The following HHAT variants were observed in gnomAD, a reference collection of about 807,000 sequenced individuals.
The protein encoded by HHAT is hedgehog acyltransferase, also known as protein-cysteine N-palmitoyltransferase HHAT.
A neutral mutation model predicts 70.8 loss-of-function variants in HHAT; 47 were observed. The observed-to-expected ratio is 0.66, with a 90% CI of 0.53 to 0.85. HHAT has a LOEUF of 0.85. Among genes scored for constraint, HHAT ranks in the 40% least tolerant of loss-of-function variants. The pLI, the probability that HHAT is intolerant of heterozygous loss-of-function variation, is 0.00. For synonymous variants in HHAT, 228 were observed against 247.6 expected, an observed-to-expected ratio of 0.92 and a Z score of 0.74; for missense variants, 609 against 604.8, an observed-to-expected ratio of 1.01 and a Z score of -0.07.
intron 9 of HHAT, among the ~76,000 whole-genome samples, chr1:210,563,468 C>T (rs1349439175): frequency 6.6e-6 from 1 of 151,964 alleles, no homozygotes; most frequent in Non-Finnish European, 1.5e-5. Flanking sequence ...GTGGAAAGCA[C>T]GATGGGGAGG....
chr1:210,489,741 G>T (rs73077512), intron 8 of HHAT, among the ~76,000 whole-genome samples: 2,073 of 152,286 alleles, frequency 0.014, 52 homozygotes, highest in African/African-American at 0.048. Context: ...CTGTGAATCT[G>T]GGAAAACTGC....
chr1:210,342,210 C>CAA (rs2086101278), intron 1 of HHAT, among the ~76,000 whole-genome samples: 1 of 152,298 alleles, frequency 6.6e-6, no homozygotes, highest in Admixed American at 6.5e-5. Context: ...GGGTCTACCA[C>CAA]AGCATCAAGG....
chr1:210,383,489 AG>A, intron 3 of HHAT, among the ~76,000 whole-genome samples: 1 of 146,638 alleles, frequency 6.8e-6, no homozygotes, highest in African/African-American at 2.5e-5. Context: ...CCAGGGTGGG[AG>A]GGATGAAGAG....
chr1:210,400,330 G>C, intron 4 of HHAT, 138 bp from the exon 5 acceptor site: 1 of 775,100 alleles, frequency 1.3e-6, no homozygotes, highest in Non-Finnish European at 2.0e-6. Flanking sequence ...AGTGATAAGA[G>C]TTTCTTTATT....
intron 11 of HHAT, among the ~76,000 whole-genome samples, chr1:210,649,186 C>T (rs1484468918): frequency 6.6e-6 from 1 of 152,224 alleles, no homozygotes; most frequent in Non-Finnish European, 1.5e-5. Context: ...TTCTCAGATA[C>T]ATGGCTGTCT....
rs541991942 is a variant in HHAT, at chr1:210,551,200, C to T, written c.1044-36698C>T. Among the ~76,000 whole-genome samples, 7 of 148,778 alleles carry T rather than the reference C, an allele frequency of 4.7e-5. No homozygotes were observed. The South Asian group carries it at 1.5e-3, about 32-fold the overall frequency. On this transcript the variant is annotated intron_variant, in intron 9 of 11. Coordinates refer to ENST00000261458, the MANE Select transcript of HHAT (RefSeq NM_018194.6). ...TTGTAGGATGTGATATGTACTCCAT[C>T]GACCGAATTAAAGTGCCTTCAGAGG...
chr1:210,547,887 T>G (rs992566140), intron 9 of HHAT, among the ~76,000 whole-genome samples: 4 of 152,198 alleles, frequency 2.6e-5, no homozygotes, highest in African/African-American at 9.6e-5. Context: ...CTTAAGTGTG[T>G]GTGTACACAG....
intron 3 of HHAT, among the ~76,000 whole-genome samples, chr1:210,366,860 C>T (rs542706842): frequency 4.6e-5 from 7 of 152,290 alleles, no homozygotes; most frequent in African/African-American, 1.4e-4. Context: ...GACTTCAGAT[C>T]ATAGCTGGCT....
intron 11 of HHAT, among the ~76,000 whole-genome samples, chr1:210,642,319 A>G (rs148858683): frequency 6.6e-6 from 1 of 152,328 alleles, no homozygotes; most frequent in East Asian, 1.9e-4. Flanking sequence ...ATGGACTTGT[A>G]GATTGTTTTT....
At chr1:210,332,303 G>A (rs2085062673) in intron 1 of HHAT, among the ~76,000 whole-genome samples, 1 of 152,180 alleles carries the variant, frequency 6.6e-6, no homozygotes, top group Non-Finnish European at 1.5e-5. Context: ...CTGTGGTGTT[G>A]GTTAGCAACA....
At chr1:210,616,786 C>T (rs1049114223) in intron 10 of HHAT, among the ~76,000 whole-genome samples, 2 of 152,202 alleles carry the variant, frequency 1.3e-5, no homozygotes, top group Non-Finnish European at 2.9e-5. Context: ...AGGTAAGTTA[C>T]TTAATCTCTC....
chr1:210,381,980 A>G (rs2090674290), intron 3 of HHAT, among the ~76,000 whole-genome samples: 1 of 152,236 alleles, frequency 6.6e-6, no homozygotes, highest in Admixed American at 6.5e-5. Context: ...GCTGGAGAAT[A>G]GTCCTCAGTT....
At chr1:210,416,341 G>A (rs1290248227) in intron 6 of HHAT, among the ~76,000 whole-genome samples, 1 of 152,162 alleles carries the variant, frequency 6.6e-6, no homozygotes, top group Admixed American at 6.5e-5. Flanking sequence ...TCCTCTACCG[G>A]CTAATGTGTG....
Position 210,400,580 on chromosome 1 carries a change from A to T in HHAT, c.386A>T (p.Gln129Leu), listed in dbSNP as rs141306397. The T allele has an allele frequency of 6.2e-7, 1 of 1,613,964 alleles. No homozygotes were observed. The highest frequency in any genetic ancestry group is 8.5e-7 in the Non-Finnish European group (1 of 1,180,026). ...LHTTISFCVAQFRSQLLTWLC... is the reference protein window; with the variant it reads ...LHTTISFCVALFRSQLLTWLC... Reference sequence around the variant, plus strand: ...ACCACCATCTCTTTCTGCGTGGCCCAGTTCCGGTCTCAGCTCCTGACGTGG... The same window carrying T: ...ACCACCATCTCTTTCTGCGTGGCCCTGTTCCGGTCTCAGCTCCTGACGTGG... Residue 129 changes from glutamine to leucine, a missense_variant, in exon 5 of 12, where the codon CAG becomes CTG. Physicochemically the swap from Gln to Leu is moderately radical, Grantham distance 113. Transcript: ENST00000261458.
chr1:210,432,589 T>C (rs1224693676), intron 7 of HHAT, among the ~76,000 whole-genome samples: 1 of 151,930 alleles, frequency 6.6e-6, no homozygotes, highest in Non-Finnish European at 1.5e-5. Context: ...GCTGCTTTAG[T>C]TGTGTTAAAT....
chr1:210,635,402 G>C (rs1027689257), intron 11 of HHAT, among the ~76,000 whole-genome samples: 1 of 152,184 alleles, frequency 6.6e-6, no homozygotes, highest in African/African-American at 2.4e-5. Context: ...AGTAGGCTGA[G>C]AGAGGCAGGA....
intron 9 of HHAT, among the ~76,000 whole-genome samples, chr1:210,554,489 C>T (rs1355873476): frequency 6.6e-6 from 1 of 152,110 alleles, no homozygotes; most frequent in Non-Finnish European, 1.5e-5. Flanking sequence ...ACAAACGCAC[C>T]TTTCTCTACC....
At chr1:210,667,288 A>G (rs941982378) in intron 11 of HHAT, among the ~76,000 whole-genome samples, 3 of 152,116 alleles carry the variant, frequency 2.0e-5, no homozygotes, top group Admixed American at 2.0e-4. Flanking sequence ...AGGCTGAGGC[A>G]GGAGAATCAC....
intron 8 of HHAT, among the ~76,000 whole-genome samples, chr1:210,473,554 G>GGCC (rs2094247272): frequency 6.6e-6 from 1 of 152,080 alleles, no homozygotes; most frequent in Non-Finnish European, 1.5e-5. Flanking sequence ...AATGGTGTGG[G>GGCC]GCCACTGGGG....
Sources: allele counts gnomAD v4.1 joint callset (sites outside exome capture counted in the v4.1 genomes callset), GRCh38; gene constraint gnomAD v4.1.1; transcripts MANE v1.5; gene names NCBI Gene and HGNC (gene_info 2026-07-23, HGNC 2026-07-21).